Variants in GRXCR1 observed in about 807,000 individuals in gnomAD.
The protein encoded by GRXCR1 is glutaredoxin domain-containing cysteine-rich protein 1.
Under a neutral mutation model 27.3 loss-of-function variants are expected in GRXCR1, and 27 were observed. That is an observed-to-expected ratio of 0.99 (90% CI 0.73 to 1.37). The LOEUF (loss-of-function observed/expected upper bound fraction) is 1.37, where lower values mean the gene tolerates loss of function less well. Among genes scored for constraint, GRXCR1 ranks in the 40% most tolerant of loss-of-function variants. The pLI, the probability that GRXCR1 is intolerant of heterozygous loss-of-function variation, is 0.00. For synonymous variants in GRXCR1, 122 were observed against 131.1 expected, an observed-to-expected ratio of 0.93 and a Z score of 0.47; for missense variants, 379 against 354.4, an observed-to-expected ratio of 1.07 and a Z score of -0.56.
rs35512711 is a variant in GRXCR1 at position 42,903,308 on chromosome 4, ATTTT to A, written c.384+9683_384+9686del. On this transcript the variant is annotated intron_variant, in intron 1 of 3. Transcript: ENST00000399770. Reference sequence around the variant, plus strand: ...AAAAATTTGGGCCACAGCTTTGTAGATTTTTTTTTTTTTTTTTTTTTTTTTTTTA... The same window carrying A: ...AAAAATTTGGGCCACAGCTTTGTAGATTTTTTTTTTTTTTTTTTTTTTTTA... Among the ~76,000 whole-genome samples the A allele has an allele frequency of 8.4e-3, 531 of 63,214 alleles. 9 individuals are homozygous for A. The highest frequency in any genetic ancestry group is 0.027 in the South Asian group (23 of 860). The allele number at this position is 63,214 out of a possible 152,430, so 41.5% of individuals were successfully genotyped here.
At chr4:43,021,990 G>T (rs1713107485) in intron 3 of GRXCR1, among the ~76,000 whole-genome samples, 2 of 151,932 alleles carry the variant, frequency 1.3e-5, no homozygotes, top group Admixed American at 1.3e-4. Flanking sequence ...ATTAAATCGG[G>T]GTGTGTACTT....
intron 2 of GRXCR1, among the ~76,000 whole-genome samples, chr4:42,984,843 C>A (rs1711651903): frequency 6.6e-6 from 1 of 152,176 alleles, no homozygotes; most frequent in South Asian, 2.1e-4. Context: ...GCCTCATAGG[C>A]CAAACGCTTG....
intron 1 of GRXCR1, among the ~76,000 whole-genome samples, chr4:42,910,846 C>T (rs1746707986): frequency 6.6e-6 from 1 of 152,068 alleles, no homozygotes; most frequent in African/African-American, 2.4e-5. Flanking sequence ...GGAGTGCATG[C>T]TGATTTTGAT....
At chr4:42,997,368 T>C (rs1242335380) in intron 2 of GRXCR1, among the ~76,000 whole-genome samples, 1 of 152,234 alleles carries the variant, frequency 6.6e-6, no homozygotes, top group Non-Finnish European at 1.5e-5. Context: ...GGCAGTGTCC[T>C]GGCTAATATT....
At chr4:43,020,522 C>A (rs1713061303) in intron 3 of GRXCR1, 103 bp downstream of exon 3, 1 of 775,870 alleles carries the variant, frequency 1.3e-6, no homozygotes, top group Non-Finnish European at 2.3e-6. Flanking sequence ...CATGTTCTTA[C>A]AAATATGCAA....
chr4:42,934,416 C>T (rs547257615), intron 1 of GRXCR1, among the ~76,000 whole-genome samples: 1 of 151,902 alleles, frequency 6.6e-6, no homozygotes, highest in East Asian at 2.0e-4. Context: ...CACACACACT[C>T]ACAGAGTTTC....
intron 3 of GRXCR1, among the ~76,000 whole-genome samples, chr4:43,026,641 A>G (rs1328922780): frequency 6.6e-6 from 1 of 152,236 alleles, no homozygotes; most frequent in East Asian, 1.9e-4. Context: ...GGATGCAAAT[A>G]AACATTGAAA....
At position 42,893,159 on chromosome 4, in the gene GRXCR1, G is replaced by C. The variant is rs377631652; in HGVS notation, c.-108G>C. The C allele has an allele frequency of 6.9e-4, 803 of 1,169,610 alleles. 14 individuals carry two copies. In the South Asian group the frequency reaches 9.0e-3, roughly 13 times the overall value. 72.5% of individuals were successfully genotyped at this position (1,169,610 alleles called of 1,614,324 possible). On this transcript the variant is annotated 5_prime_UTR_variant, in exon 1 of 4. Coordinates refer to ENST00000399770, the MANE Select transcript of GRXCR1 (RefSeq NM_001080476.3). ...TCCTTTTGATGTTAGTTTCACAGGA[G>C]TGCTGCCATCACTAGAATTGGCTCT... is the stretch of plus-strand genomic sequence containing the variant.
intron 2 of GRXCR1, among the ~76,000 whole-genome samples, chr4:42,966,990 C>A (rs912752173): frequency 6.6e-6 from 1 of 151,948 alleles, no homozygotes; most frequent in Non-Finnish European, 1.5e-5. Context: ...AAGTCTGTGG[C>A]TTGTCTTTTC....
intron 1 of GRXCR1, among the ~76,000 whole-genome samples, chr4:42,898,454 T>C (rs995572644): frequency 6.7e-6 from 1 of 149,852 alleles, no homozygotes; most frequent in Non-Finnish European, 1.5e-5. Flanking sequence ...TCAGGATGGG[T>C]AGTGTTAACA....
intron 2 of GRXCR1, among the ~76,000 whole-genome samples, chr4:43,001,014 C>T (rs1712338713): frequency 6.6e-6 from 1 of 151,960 alleles, no homozygotes; most frequent in Non-Finnish European, 1.5e-5. Flanking sequence ...GCAACCTCTA[C>T]CTCCCGGGTT....
At position 43,019,644 on chromosome 4, in the gene GRXCR1, C is replaced by T. The variant is rs114333242; in HGVS notation, c.628-710C>T. 5.2e-3 allele frequency among the ~76,000 whole-genome samples: 786 copies of T among 152,194 alleles called. 13 individuals are homozygous for T. The highest frequency in any genetic ancestry group is 0.015 in the African/African-American group (642 of 41,534). On this transcript the variant is annotated intron_variant, in intron 2 of 3. Transcript: ENST00000399770. ...GACAGGAGAGAAAAATGGAGTAGTT[C>T]GAAGAAACACACATTGTCCCCTTTC...
intron 1 of GRXCR1, among the ~76,000 whole-genome samples, chr4:42,926,249 T>G (rs533613755): frequency 6.6e-6 from 1 of 152,146 alleles, no homozygotes; most frequent in South Asian, 2.1e-4. Context: ...ATTCTTTTTT[T>G]TCTTTTTGCT....
At position 43,001,417 on chromosome 4, in the gene GRXCR1, C is replaced by T. The variant is rs558059611; in HGVS notation, c.628-18937C>T. On this transcript the variant is annotated intron_variant, in intron 2 of 3. Coordinates refer to ENST00000399770, the MANE Select transcript of GRXCR1 (RefSeq NM_001080476.3). ...GCTCGCTCTCTTATTTGAGTTTTTG[C>T]CTCTTGGAAAGTATCCAGTTTAAAA... 5.3e-5 allele frequency among the ~76,000 whole-genome samples: 8 copies of T among 152,158 alleles called. No individual in the cohort carries two copies. The East Asian group carries it at 1.5e-3, about 29-fold the overall frequency.
chr4:42,977,441 T>C (rs1283812499), intron 2 of GRXCR1, among the ~76,000 whole-genome samples: 1 of 152,034 alleles, frequency 6.6e-6, no homozygotes, highest in Non-Finnish European at 1.5e-5. Flanking sequence ...ACCAATAATG[T>C]GCAAGTGTTC....
chr4:43,024,288 C>T (rs4611963), intron 3 of GRXCR1, among the ~76,000 whole-genome samples: 8 of 148,924 alleles, frequency 5.4e-5, no homozygotes, highest in African/African-American at 1.8e-4. Flanking sequence ...CATGAAGAAC[C>T]GAGCAAAGAT....
chr4:42,979,862 A>G (rs2109784091), intron 2 of GRXCR1, among the ~76,000 whole-genome samples: 1 of 151,992 alleles, frequency 6.6e-6, no homozygotes, highest in South Asian at 2.1e-4. Flanking sequence ...GTCTGTTCAG[A>G]TATTTTATTT....
chr4:42,948,268 T>C (rs1747794762), intron 1 of GRXCR1, among the ~76,000 whole-genome samples: 1 of 151,426 alleles, frequency 6.6e-6, no homozygotes, highest in Non-Finnish European at 1.5e-5. Context: ...AAGGAAAGCA[T>C]ATTGCAAGAT....
At chr4:42,979,486 C>A (rs1050082738) in intron 2 of GRXCR1, among the ~76,000 whole-genome samples, 4 of 151,926 alleles carry the variant, frequency 2.6e-5, no homozygotes, top group Non-Finnish European at 5.9e-5. Context: ...TCACATTTCT[C>A]CTTGGGAAGA....
Sources: gnomAD v4.1 joint callset for allele counts (sites outside exome capture counted in the v4.1 genomes callset) on GRCh38, gnomAD v4.1.1 for gene constraint, MANE v1.5 for transcripts, NCBI Gene and HGNC (gene_info 2026-07-23, HGNC 2026-07-21) for gene names.